ITGBL1: variants seen among roughly 807,000 people sequenced by gnomAD.
ITGBL1 encodes the protein integrin beta-like protein 1.
A neutral mutation model predicts 68.5 loss-of-function variants in ITGBL1; 51 were observed. The ratio of observed to expected loss-of-function variants is 0.74; its 90% CI spans 0.59 to 0.94. The LOEUF (loss-of-function observed/expected upper bound fraction) is 0.94. ITGBL1 is among the 40% of genes least tolerant of loss of function. ITGBL1 has a pLI of 0.00. For synonymous variants in ITGBL1, 209 were observed against 227.3 expected (o/e 0.92, Z 0.72); for missense variants, 649 against 647.4 (o/e 1.00, Z -0.03).
At chr13:101,505,752 C>CCCTTCCTCTTCCTGCTTG (rs995559916) in intron 2 of ITGBL1, among the ~76,000 whole-genome samples, 11 of 148,668 alleles carry the variant, frequency 7.4e-5, no homozygotes, top group Non-Finnish European at 1.5e-4. Flanking sequence ...AGTCGATGTT[C>CCCTTCCTCTTCCTGCTTG]CCTTCCTCTT....
chr13:101,648,769 A>G (rs553101298), intron 7 of ITGBL1, among the ~76,000 whole-genome samples: 8 of 152,288 alleles, frequency 5.3e-5, no homozygotes, highest in South Asian at 2.1e-4. Context: ...CATAATTCCA[A>G]TTACAAAAAT....
At chr13:101,644,243 G>A (rs1312518759) in intron 7 of ITGBL1, among the ~76,000 whole-genome samples, 1 of 152,156 alleles carries the variant, frequency 6.6e-6, no homozygotes, top group East Asian at 1.9e-4. Context: ...CACTAGATAT[G>A]TGAGTTTGTT....
chr13:101,651,967 G>T (rs1372672284), intron 7 of ITGBL1, among the ~76,000 whole-genome samples: 1 of 152,138 alleles, frequency 6.6e-6, no homozygotes, highest in East Asian at 1.9e-4. Context: ...GTTTGTTGAA[G>T]ATCAGATGGT....
intron 7 of ITGBL1, among the ~76,000 whole-genome samples, chr13:101,639,517 A>G (rs2032291825): frequency 6.6e-6 from 1 of 152,220 alleles, no homozygotes; most frequent in South Asian, 2.1e-4. Flanking sequence ...TCAAATATAT[A>G]TAAGAAGAAG....
rs530255119 is a variant in ITGBL1, at chr13:101,688,212, AG to A, written c.1016-4372del. ...AAATCTCACCGTTAGTCTGGACCGT[AG>A]TGATTTTATCATTTAACAATTGGGT... is the stretch of plus-strand genomic sequence containing the variant. On this transcript the variant is annotated intron_variant, in intron 7 of 10. Transcript: ENST00000376180. Among the ~76,000 whole-genome samples the A allele has an allele frequency of 3.8e-4, 58 of 152,256 alleles. 1 individual carries two copies. The East Asian group carries it at 8.5e-3, about 22-fold the overall frequency.
At chr13:101,580,076 A>G (rs1449696945) in intron 5 of ITGBL1, among the ~76,000 whole-genome samples, 1 of 152,178 alleles carries the variant, frequency 6.6e-6, no homozygotes, top group Non-Finnish European at 1.5e-5. Context: ...TAGTTTTAAA[A>G]TTCCTTGAAA....
rs1313845131 is a variant in ITGBL1 at position 101,671,447 on chromosome 13, G to GTTTTTTTT, written c.1016-21136_1016-21129dup. Among the ~76,000 whole-genome samples, 155 of 103,570 alleles carry GTTTTTTTT rather than the reference G, an allele frequency of 1.5e-3. 1 individual carries two copies. Among genetic ancestry groups the GTTTTTTTT allele is most frequent in the African/African-American group, 5.8e-3 (139 of 24,064 alleles). The allele number at this position is 103,570 out of a possible 152,430, so 67.9% of individuals were successfully genotyped here. On this transcript the variant is annotated intron_variant, in intron 7 of 10. Coordinates refer to ENST00000376180, the MANE Select transcript of ITGBL1 (RefSeq NM_004791.3). ...CTTTGTTTTTTTTTTGTTTTTTTTT[G>GTTTTTTTT]TTTTTTTTTGAGACGGAGTCTCGCT... is the stretch of plus-strand genomic sequence containing the variant.
At chr13:101,694,199 G>T (rs1346421032) in intron 8 of ITGBL1, among the ~76,000 whole-genome samples, 2 of 151,952 alleles carry the variant, frequency 1.3e-5, no homozygotes, top group South Asian at 2.1e-4. Flanking sequence ...ATTATTCTTA[G>T]GTTAAATCCT....
At chr13:101,529,598 C>A (rs1421848222) in intron 2 of ITGBL1, among the ~76,000 whole-genome samples, 1 of 152,184 alleles carries the variant, frequency 6.6e-6, no homozygotes, top group East Asian at 1.9e-4. Context: ...CTCTGTGTCA[C>A]CACCTTGAAT....
chr13:101,640,208 AG>A (rs1027686956), intron 7 of ITGBL1, among the ~76,000 whole-genome samples: 1 of 152,216 alleles, frequency 6.6e-6, no homozygotes, highest in African/African-American at 2.4e-5. Context: ...TCAGGATTTA[AG>A]GGTTCAACTT....
At chr13:101,523,284 A>G (rs777877240) in intron 2 of ITGBL1, among the ~76,000 whole-genome samples, 51 of 152,320 alleles carry the variant, frequency 3.3e-4, no homozygotes, top group Non-Finnish European at 6.8e-4. Flanking sequence ...CCAGGCCTGG[A>G]TGACAAACAC....
chr13:101,594,396 T>TA (rs916195256), intron 6 of ITGBL1, among the ~76,000 whole-genome samples: 5 of 152,126 alleles, frequency 3.3e-5, no homozygotes, highest in Non-Finnish European at 5.9e-5. Flanking sequence ...AGAAAGAAAT[T>TA]AGAGTCTTAT....
chr13:101,525,136 G>GT (rs1431217536), intron 2 of ITGBL1, among the ~76,000 whole-genome samples: 1 of 152,004 alleles, frequency 6.6e-6, no homozygotes, highest in Non-Finnish European at 1.5e-5. Context: ...ATATTACAAA[G>GT]TTTTTTCTTT....
chr13:101,549,607 A>G (rs367698802), intron 2 of ITGBL1, among the ~76,000 whole-genome samples: 34 of 151,916 alleles, frequency 2.2e-4, no homozygotes, highest in East Asian at 1.2e-3. Context: ...TAAGCCAAAT[A>G]TATGAGGAGA....
At chr13:101,663,615 G>A (rs1382886965) in intron 7 of ITGBL1, among the ~76,000 whole-genome samples, 1 of 152,110 alleles carries the variant, frequency 6.6e-6, no homozygotes, top group Non-Finnish European at 1.5e-5. Context: ...CCAAATTGAG[G>A]TAATGTTCCA....
chr13:101,534,868 G>A (rs540172899), intron 2 of ITGBL1, among the ~76,000 whole-genome samples: 14 of 152,234 alleles, frequency 9.2e-5, no homozygotes, highest in Admixed American at 5.2e-4. Context: ...TAATCCAGGT[G>A]GAGAGGAGAG....
At chr13:101,567,158 A>T (rs1365685453) in intron 2 of ITGBL1, among the ~76,000 whole-genome samples, 1 of 152,330 alleles carries the variant, frequency 6.6e-6, no homozygotes, top group Admixed American at 6.5e-5. Flanking sequence ...GTGGAGGCAG[A>T]TGAATATGAA....
chr13:101,544,953 C>A (rs1251429088), intron 2 of ITGBL1, among the ~76,000 whole-genome samples: 1 of 152,164 alleles, frequency 6.6e-6, no homozygotes, highest in African/African-American at 2.4e-5. Context: ...TGTCTTTTAT[C>A]CCTTTCTTTG....
chr13:101,565,694 G>T (rs966998418), intron 2 of ITGBL1, among the ~76,000 whole-genome samples: 3 of 152,088 alleles, frequency 2.0e-5, no homozygotes, highest in African/African-American at 7.2e-5. Flanking sequence ...GATATATGAG[G>T]CTCATTAGTG....
Sources: allele counts gnomAD v4.1 joint callset (sites outside exome capture counted in the v4.1 genomes callset), GRCh38; gene constraint gnomAD v4.1.1; transcripts MANE v1.5; gene names NCBI Gene and HGNC (gene_info 2026-07-23, HGNC 2026-07-21).